CTNNA2: variants seen among roughly 807,000 people sequenced by gnomAD.
CTNNA2 encodes the protein catenin alpha 2, also known as catenin alpha-2.
A neutral mutation model predicts 101.0 loss-of-function variants in CTNNA2; 42 were observed. The ratio of observed to expected loss-of-function variants is 0.42; its 90% CI spans 0.32 to 0.54. The LOEUF (loss-of-function observed/expected upper bound fraction) is 0.54, where lower values mean the gene tolerates loss of function less well. CTNNA2 is among the 20% of genes least tolerant of loss of function. CTNNA2 has a pLI of 0.14. For synonymous variants in CTNNA2, 450 were observed against 456.4 expected (o/e 0.99, Z 0.18); for missense variants, 871 against 1,223.1 (o/e 0.71, Z 4.29).
At chr2:80,440,828 A>G (rs1682495321) in intron 9 of CTNNA2, among the ~76,000 whole-genome samples, 1 of 152,194 alleles carries the variant, frequency 6.6e-6, no homozygotes. Context: ...GGGGCAGAAT[A>G]GACTAAGTAA....
intron 7 of CTNNA2, among the ~76,000 whole-genome samples, chr2:80,063,065 C>T (rs1162836701): frequency 6.6e-6 from 1 of 152,212 alleles, no homozygotes; most frequent in East Asian, 1.9e-4. Flanking sequence ...ACTTAAACTT[C>T]TTCAAGTAAG....
intron 9 of CTNNA2, among the ~76,000 whole-genome samples, chr2:80,480,319 T>C (rs1355232484): frequency 6.6e-6 from 1 of 152,058 alleles, no homozygotes; most frequent in Non-Finnish European, 1.5e-5. Flanking sequence ...AAGATAATTT[T>C]AAAATTTATT....
intron 2 of CTNNA2, among the ~76,000 whole-genome samples, chr2:79,688,226 G>A (rs988146128): frequency 6.6e-6 from 1 of 151,974 alleles, no homozygotes; most frequent in African/African-American, 2.4e-5. Flanking sequence ...CAAGAAATGT[G>A]GGCTTAAGCC....
intron 2 of CTNNA2, among the ~76,000 whole-genome samples, chr2:79,667,679 A>C (rs1051169171): frequency 1.3e-5 from 2 of 152,218 alleles, no homozygotes; most frequent in African/African-American, 4.8e-5. Flanking sequence ...TGTAACATGA[A>C]AATGAATTAT....
At chr2:80,629,971 C>T (rs768318029) in intron 18 of CTNNA2, among the ~76,000 whole-genome samples, 1 of 152,112 alleles carries the variant, frequency 6.6e-6, no homozygotes, top group Admixed American at 6.5e-5. Flanking sequence ...TAAGATAGTT[C>T]CAGATTTAGC....
At chr2:80,587,668 C>T (rs980947010) in intron 14 of CTNNA2, among the ~76,000 whole-genome samples, 32 of 152,236 alleles carry the variant, frequency 2.1e-4, no homozygotes, top group African/African-American at 6.3e-4. Flanking sequence ...CAAATTTATT[C>T]ACTCACACAG....
chr2:79,187,209 A>G (rs1438895095), intron 1 of CTNNA2, among the ~76,000 whole-genome samples: 1 of 149,828 alleles, frequency 6.7e-6, no homozygotes, highest in Non-Finnish European at 1.5e-5. Flanking sequence ...CTGTATTTTC[A>G]TATGCTTTTT....
chr2:80,195,367 G>T (rs796303008), intron 7 of CTNNA2, among the ~76,000 whole-genome samples: 2 of 152,216 alleles, frequency 1.3e-5, no homozygotes, highest in African/African-American at 4.8e-5. Context: ...AAATCAAACT[G>T]CACAGAGAAC....
chr2:79,680,388 G>A (rs1683480151), intron 2 of CTNNA2, among the ~76,000 whole-genome samples: 1 of 152,044 alleles, frequency 6.6e-6, no homozygotes, highest in Admixed American at 6.5e-5. Context: ...TCTCAGGAGG[G>A]GAGGGGACAG....
intron 4 of CTNNA2, among the ~76,000 whole-genome samples, chr2:79,449,124 G>C (rs1003305216): frequency 2.6e-5 from 4 of 151,958 alleles, no homozygotes; most frequent in Non-Finnish European, 5.9e-5. Flanking sequence ...CCCCAAAAAG[G>C]GGTTTTAAAA....
chr2:80,214,033 C>A (rs1227021928), intron 7 of CTNNA2, among the ~76,000 whole-genome samples: 1 of 152,070 alleles, frequency 6.6e-6, no homozygotes, highest in Non-Finnish European at 1.5e-5. Flanking sequence ...ACTAGGATTG[C>A]AACCCCTGCT....
intron 7 of CTNNA2, among the ~76,000 whole-genome samples, chr2:79,966,390 C>A (rs1233892939): frequency 1.3e-5 from 2 of 152,080 alleles, no homozygotes; most frequent in Admixed American, 1.3e-4. Flanking sequence ...CCCCCTCCAC[C>A]ACACCAAGCT....
At chr2:79,880,781 T>C (rs927961418) in intron 6 of CTNNA2, among the ~76,000 whole-genome samples, 1 of 152,170 alleles carries the variant, frequency 6.6e-6, no homozygotes, top group Non-Finnish European at 1.5e-5. Context: ...CCTGGATTCA[T>C]TGATTTTTTT....
chr2:79,295,147 A>G (rs2104385311), intron 2 of CTNNA2, among the ~76,000 whole-genome samples: 1 of 152,242 alleles, frequency 6.6e-6, no homozygotes, highest in African/African-American at 2.4e-5. Flanking sequence ...ACATTCTGTG[A>G]CATTCCATCA....
intron 16 of CTNNA2, among the ~76,000 whole-genome samples, chr2:80,607,941 AGTCCC>A (rs1399521993): frequency 1.3e-5 from 2 of 151,910 alleles, no homozygotes; most frequent in African/African-American, 4.8e-5. Flanking sequence ...CATGTATAGA[AGTCCC>A]AATAAAACTT....
At chr2:80,119,512 T>C (rs1701715993) in intron 7 of CTNNA2, among the ~76,000 whole-genome samples, 1 of 152,182 alleles carries the variant, frequency 6.6e-6, no homozygotes, top group African/African-American at 2.4e-5. Context: ...TTTGATATGT[T>C]CATGTAGGTG....
chr2:79,614,025 C>G (rs1332369965), intron 1 of CTNNA2, among the ~76,000 whole-genome samples: 1 of 152,160 alleles, frequency 6.6e-6, no homozygotes, highest in Non-Finnish European at 1.5e-5. Context: ...ACAGCCTGTG[C>G]TCCTTATAGT....
At chr2:80,116,566 T>C (rs1480894224) in intron 7 of CTNNA2, among the ~76,000 whole-genome samples, 1 of 151,916 alleles carries the variant, frequency 6.6e-6, no homozygotes. Flanking sequence ...ATGAGATGAA[T>C]CTACAAGCTG....
chr2:80,006,000 G>A (rs752640740), intron 7 of CTNNA2, among the ~76,000 whole-genome samples: 33 of 152,016 alleles, frequency 2.2e-4, no homozygotes, highest in Admixed American at 4.6e-4. Context: ...ATCCACTAAA[G>A]AATAAGTTTC....
Sources: allele counts gnomAD v4.1 joint callset (sites outside exome capture counted in the v4.1 genomes callset), GRCh38; gene constraint gnomAD v4.1.1; transcripts MANE v1.5; gene names NCBI Gene and HGNC (gene_info 2026-07-23, HGNC 2026-07-21).